ETV6: variants seen among roughly 807,000 people sequenced by gnomAD.
ETV6 encodes the protein ETS variant transcription factor 6, also known as transcription factor ETV6.
A neutral mutation model predicts 51.1 loss-of-function variants in ETV6; 16 were observed. That is an observed-to-expected ratio of 0.31 (90% confidence interval 0.21 to 0.48). ETV6 has a LOEUF of 0.48. ETV6 is among the 20% of genes least tolerant of loss of function. The pLI is 0.99. For synonymous variants in ETV6, 240 were observed against 224.1 expected (o/e 1.07, Z -0.64); for missense variants, 458 against 594.8 (o/e 0.77, Z 2.39).
At chr12:11,716,813 A>T (rs970353837) in intron 1 of ETV6, 1 of 152,182 alleles carries the variant, frequency 6.6e-6, no homozygotes, top group East Asian at 1.9e-4. Context: ...GAGTGGTTCA[A>T]CTCCATGTTC....
intron 1 of ETV6, among the ~76,000 whole-genome samples, chr12:11,704,148 G>A (rs1266572256): frequency 1.3e-5 from 2 of 152,206 alleles, no homozygotes; most frequent in Non-Finnish European, 2.9e-5. Flanking sequence ...AAAACGGACT[G>A]TGTCTTTTTA....
intron 1 of ETV6, among the ~76,000 whole-genome samples, chr12:11,712,797 C>T (rs771257046): frequency 6.6e-6 from 1 of 152,196 alleles, no homozygotes; most frequent in East Asian, 1.9e-4. Flanking sequence ...AGGCAAATAT[C>T]GGTGCCACGT....
At chr12:11,730,811 G>T (rs1329928488) in intron 1 of ETV6, among the ~76,000 whole-genome samples, 1 of 152,194 alleles carries the variant, frequency 6.6e-6, no homozygotes, top group African/African-American at 2.4e-5. Flanking sequence ...ACCCCTCAGT[G>T]GGTTGCTGTT....
At chr12:11,743,806 T>A (rs1249144409) in intron 1 of ETV6, among the ~76,000 whole-genome samples, 1 of 152,116 alleles carries the variant, frequency 6.6e-6, no homozygotes, top group Non-Finnish European at 1.5e-5. Context: ...TTCTTTCTCT[T>A]CCTTTTACAA....
chr12:11,692,843 A>T (rs547163346), intron 1 of ETV6, among the ~76,000 whole-genome samples: 8 of 152,258 alleles, frequency 5.3e-5, no homozygotes, highest in African/African-American at 1.7e-4. Context: ...TGAGCCCAGG[A>T]GTTCAAGACC....
intron 1 of ETV6, among the ~76,000 whole-genome samples, chr12:11,736,892 A>T (rs1352522978): frequency 1.3e-5 from 2 of 152,254 alleles, no homozygotes; most frequent in Non-Finnish European, 1.5e-5. Flanking sequence ...TCATCTAATG[A>T]GGCTCATTCA....
chr12:11,893,880 A>G lies in ETV6; in HGVS notation c.*2834A>G, dbSNP rs535724144. 2,111 of 181,328 alleles carry G rather than the reference A, an allele frequency of 0.012. 111 individuals are homozygous for G. Among genetic ancestry groups the G allele is most frequent in the African/African-American group, 0.015 (597 of 40,952 alleles). 11.2% of individuals were successfully genotyped at this position (181,328 alleles called of 1,614,324 possible). A position where few individuals can be genotyped will look rare whatever the true frequency, so the allele number is the denominator to read the frequency against. On this transcript the variant is annotated 3_prime_UTR_variant, in exon 8 of 8. Transcript: ENST00000396373. ...CATACACAAATATTCCAGGATACAA[A>G]AAAAAACATTTAAAAATCCGAGACC...
intron 1 of ETV6, among the ~76,000 whole-genome samples, chr12:11,667,257 T>C (rs1423027066): frequency 6.6e-6 from 1 of 152,206 alleles, no homozygotes; most frequent in African/African-American, 2.4e-5. Flanking sequence ...GCTTCTATTA[T>C]GGACTTCAAG....
chr12:11,651,900 C>T (rs1591585470), intron 1 of ETV6, among the ~76,000 whole-genome samples: 1 of 152,184 alleles, frequency 6.6e-6, no homozygotes, highest in East Asian at 1.9e-4. Flanking sequence ...TGCATCCCCA[C>T]CGTTTTGATG....
In ETV6 at chr12:11,891,129, C is replaced by T. The variant is rs558703903; in HGVS notation, c.*83C>T. ...ATTGCTGGAAGTGTGACGGAGCAGG[C>T]GGGCTGAGGAGAGTGGAAAAGGAAG... is the stretch of plus-strand genomic sequence containing the variant. On this transcript the variant is annotated 3_prime_UTR_variant, in exon 8 of 8. Coordinates refer to ENST00000396373, the MANE Select transcript of ETV6 (RefSeq NM_001987.5). The T allele has an allele frequency of 1.1e-5, 12 of 1,107,132 alleles. No individual in the cohort carries two copies. Among genetic ancestry groups the T allele is most frequent in the Admixed American group, 7.9e-5 (4 of 50,418 alleles). 68.6% of individuals were successfully genotyped at this position (1,107,132 alleles called of 1,614,324 possible).
At chr12:11,780,542 C>T (rs549333822) in intron 2 of ETV6, among the ~76,000 whole-genome samples, 10 of 152,242 alleles carry the variant, frequency 6.6e-5, no homozygotes, top group Admixed American at 2.6e-4. Context: ...CTTGGCAGCC[C>T]GGAGCTTAGC....
Position 11,843,636 on chromosome 12 carries a change from A to G in ETV6, c.328+4332A>G, listed in dbSNP as rs147359470. Among the ~76,000 whole-genome samples, 204 of 152,294 alleles carry G rather than the reference A, an allele frequency of 1.3e-3. 2 individuals are homozygous for G. The highest frequency in any genetic ancestry group is 2.1e-3 in the Non-Finnish European group (142 of 68,024). ...ACAACTCCTCTCCAATGTAGAGAGG[A>G]GAGCACTGGACTCAATGAGTTATAA... On this transcript the variant is annotated intron_variant, in intron 3 of 7. Coordinates refer to ENST00000396373, the MANE Select transcript of ETV6 (RefSeq NM_001987.5).
In ETV6 at chr12:11,760,878, A is replaced by ATATGTGTGTG. The variant is rs1337448290; in HGVS notation, c.163+8300_163+8301insATGTGTGTGT. ...AATGATCACTACTATTATTATATATATGTGTGTGTGTGTGTGTGTGTGTGT... is the reference window on the plus strand; with the variant it reads ...AATGATCACTACTATTATTATATATATATGTGTGTGTGTGTGTGTGTGTGTGTGTGTGTGT... On this transcript the variant is annotated intron_variant, in intron 2 of 7. Transcript: ENST00000396373. 1.9e-4 allele frequency among the ~76,000 whole-genome samples: 28 copies of ATATGTGTGTG among 148,522 alleles called. No homozygotes were observed. The South Asian group carries it at 3.8e-3, about 20-fold the overall frequency.
intron 6 of ETV6, among the ~76,000 whole-genome samples, chr12:11,884,788 A>G (rs1187943231): frequency 3.9e-5 from 6 of 152,240 alleles, no homozygotes; most frequent in Non-Finnish European, 8.8e-5. Context: ...TCCTGAGACC[A>G]GGTGCCCATT....
chr12:11,766,418 A>G (rs957858989), intron 2 of ETV6, among the ~76,000 whole-genome samples: 3 of 152,162 alleles, frequency 2.0e-5, no homozygotes, highest in African/African-American at 7.2e-5. Context: ...GCAAAGCCCT[A>G]TTATACTCCC....
At chr12:11,685,843 G>GTCTTTGCATACAGTCTTTGC (rs1483614519) in intron 1 of ETV6, among the ~76,000 whole-genome samples, 4 of 152,318 alleles carry the variant, frequency 2.6e-5, no homozygotes, top group Admixed American at 1.3e-4. Context: ...GAATTTGAAA[G>GTCTTTGCATACAGTCTTTGC]AAACAGTCTT....
chr12:11,691,794 G>A (rs531237999), intron 1 of ETV6, among the ~76,000 whole-genome samples: 2 of 152,190 alleles, frequency 1.3e-5, no homozygotes, highest in Non-Finnish European at 2.9e-5. Flanking sequence ...ATTGCAAACA[G>A]GTTTGCCATA....
At chr12:11,670,463 C>T (rs1845325554) in intron 1 of ETV6, among the ~76,000 whole-genome samples, 1 of 152,172 alleles carries the variant, frequency 6.6e-6, no homozygotes, top group Admixed American at 6.5e-5. Flanking sequence ...CTATTCAAAC[C>T]TTTACTCAAG....
At chr12:11,704,497 C>T (rs1257553462) in intron 1 of ETV6, among the ~76,000 whole-genome samples, 1 of 152,060 alleles carries the variant, frequency 6.6e-6, no homozygotes, top group Non-Finnish European at 1.5e-5. Context: ...CAGGTGCACG[C>T]CACCACAACC....
Sources: allele counts gnomAD v4.1 joint callset (sites outside exome capture counted in the v4.1 genomes callset), GRCh38; gene constraint gnomAD v4.1.1; transcripts MANE v1.5; gene names NCBI Gene and HGNC (gene_info 2026-07-23, HGNC 2026-07-21).